NUSAP1: variants seen among roughly 807,000 people sequenced by gnomAD.
NUSAP1 encodes nucleolar and spindle-associated protein 1.
A neutral mutation model predicts 52.8 loss-of-function variants in NUSAP1; 32 were observed. The observed-to-expected ratio is 0.61, with a 90% CI of 0.46 to 0.81. The LOEUF is 0.81. NUSAP1 is among the 40% of genes least tolerant of loss of function. The pLI, the probability that NUSAP1 is intolerant of heterozygous loss-of-function variation, is 0.00. For missense variants in NUSAP1, 499 were observed against 522.3 expected (o/e 0.96, Z 0.43); for synonymous variants, 195 against 183.1 (o/e 1.06, Z -0.52).
intron 2 of NUSAP1, among the ~76,000 whole-genome samples, chr15:41,347,359 A>T (rs1223139825): frequency 1.3e-5 from 2 of 152,150 alleles, no homozygotes; most frequent in Non-Finnish European, 2.9e-5. Flanking sequence ...AAGATTTCTC[A>T]TTAAGGAAAT....
chr15:41,351,941 G>A (rs2048792351), intron 4 of NUSAP1: 1 of 148,616 alleles, frequency 6.7e-6, no homozygotes, highest in African/African-American at 2.4e-5. Flanking sequence ...CCATGTTATA[G>A]AATTTCTTTT....
chr15:41,344,213 CA>C (rs965547801), intron 2 of NUSAP1: 5,855 of 54,342 alleles, frequency 0.11, 140 homozygotes, highest in African/African-American at 0.22. Flanking sequence ...GACTCCATCT[CA>C]AAAAAAAAAA....
At chr15:41,368,165 G>C (rs1489283581) in intron 7 of NUSAP1, among the ~76,000 whole-genome samples, 1 of 152,096 alleles carries the variant, frequency 6.6e-6, no homozygotes, top group African/African-American at 2.4e-5. Flanking sequence ...ACAGCACTCT[G>C]AAATATGTGT....
intron 10 of NUSAP1, among the ~76,000 whole-genome samples, chr15:41,378,899 C>CAA (rs538916330): frequency 4.6e-5 from 4 of 87,520 alleles, no homozygotes; most frequent in South Asian, 3.5e-4. Flanking sequence ...TTAGACAAAC[C>CAA]AAAAAAAAAA....
intron 7 of NUSAP1, among the ~76,000 whole-genome samples, chr15:41,368,452 C>T (rs1410788659): frequency 1.3e-5 from 2 of 152,134 alleles, no homozygotes; most frequent in Admixed American, 1.3e-4. Flanking sequence ...ATTAACTCTT[C>T]CTCAAATACC....
chr15:41,333,715 G>A (rs2048009188), intron 1 of NUSAP1, among the ~76,000 whole-genome samples: 1 of 152,146 alleles, frequency 6.6e-6, no homozygotes, highest in Admixed American at 6.5e-5. Context: ...GAGGTCAGGA[G>A]TTCGAGACCA....
chr15:41,372,628 G>A (rs1412078822), intron 8 of NUSAP1, among the ~76,000 whole-genome samples: 1 of 152,168 alleles, frequency 6.6e-6, no homozygotes, highest in African/African-American at 2.4e-5. Flanking sequence ...GTGTATGGCA[G>A]TCCCTTGTTC....
At position 41,351,089 on chromosome 15, in the gene NUSAP1, A is replaced by G. The variant is rs199580182; in HGVS notation, c.408A>G (p.Pro136=). The change falls in exon 4 of 11, where the codon CCA becomes CCG. Residue 136 remains proline (P), a synonymous_variant. Transcript: ENST00000559596. ...DLRATAKVPS[P]PDEHQEAENA... is the part of the protein sequence containing the mutation. ...GAGCTACTGCAAAAGTTCCTTCTCC[A>G]CCAGACGAGCACCAAGAAGCTGAGA... The G allele has an allele frequency of 6.8e-6, 11 of 1,613,728 alleles. No individual in the cohort carries two copies. Among genetic ancestry groups the G allele is most frequent in the Non-Finnish European group, 9.3e-6 (11 of 1,179,838 alleles).
intron 7 of NUSAP1, among the ~76,000 whole-genome samples, chr15:41,368,374 C>T (rs2049507505): frequency 6.6e-6 from 1 of 152,122 alleles, no homozygotes; most frequent in Admixed American, 6.6e-5. Flanking sequence ...AGAAACTTTT[C>T]CATTGACTTA....
At chr15:41,335,272 A>G in intron 1 of NUSAP1, among the ~76,000 whole-genome samples, 1 of 145,366 alleles carries the variant, frequency 6.9e-6, no homozygotes, top group African/African-American at 2.5e-5. Flanking sequence ...AGTATATACT[A>G]TATATATTAT....
intron 4 of NUSAP1, among the ~76,000 whole-genome samples, chr15:41,353,643 G>T (rs1345935713): frequency 1.3e-5 from 2 of 152,026 alleles, no homozygotes; most frequent in East Asian, 1.9e-4. Context: ...TGAAAGAAAA[G>T]AAAAAAATAA....
chr15:41,344,213 C>CAAAAAAA (rs965547801), intron 2 of NUSAP1: 1 of 54,328 alleles, frequency 1.8e-5, no homozygotes. Context: ...GACTCCATCT[C>CAAAAAAA]AAAAAAAAAA....
chr15:41,334,099 ATT>A (rs140711980), intron 1 of NUSAP1, among the ~76,000 whole-genome samples: 12 of 148,420 alleles, frequency 8.1e-5, no homozygotes, highest in Non-Finnish European at 1.7e-4. Context: ...AATCGTCACA[ATT>A]TTTTTTTTAT....
intron 7 of NUSAP1, among the ~76,000 whole-genome samples, chr15:41,366,840 G>T (rs1357024300): frequency 6.6e-6 from 1 of 152,098 alleles, no homozygotes; most frequent in Non-Finnish European, 1.5e-5. Flanking sequence ...CATCTGTTAG[G>T]AAAGTCACCT....
At chr15:41,378,223 C>A (rs1460582628) in intron 10 of NUSAP1, among the ~76,000 whole-genome samples, 1 of 152,160 alleles carries the variant, frequency 6.6e-6, no homozygotes, top group Non-Finnish European at 1.5e-5. Flanking sequence ...TGCCCAGCAG[C>A]CCAGGGCACC....
At chr15:41,359,628 T>G (rs1407716482) in intron 6 of NUSAP1, among the ~76,000 whole-genome samples, 1 of 151,694 alleles carries the variant, frequency 6.6e-6, no homozygotes, top group African/African-American at 2.4e-5. Flanking sequence ...TTTTTTTTCT[T>G]TTCTTTTCTT....
In NUSAP1 at chr15:41,358,498, A is replaced by G. The variant is rs113136738; in HGVS notation, c.660+240A>G. On this transcript the variant is annotated intron_variant, in intron 6 of 10. Coordinates refer to ENST00000559596, the MANE Select transcript of NUSAP1 (RefSeq NM_016359.5). Reference sequence around the variant, plus strand: ...ATGCCTGTAATCCCCGCACTTTGGGAGGCCAAGGCAAGTGGATTACCTCAG... The same window carrying G: ...ATGCCTGTAATCCCCGCACTTTGGGGGGCCAAGGCAAGTGGATTACCTCAG... 7.2e-3 allele frequency among the ~76,000 whole-genome samples: 1,094 copies of G among 152,288 alleles called. 19 individuals are homozygous for G. Among genetic ancestry groups the G allele is most frequent in the African/African-American group, 0.024 (1,015 of 41,558 alleles).
chr15:41,374,587 G>A (rs2049842201), intron 8 of NUSAP1, among the ~76,000 whole-genome samples: 1 of 152,080 alleles, frequency 6.6e-6, no homozygotes, highest in African/African-American at 2.4e-5. Context: ...GAGTGCTGTG[G>A]TGCAATCTCG....
intron 1 of NUSAP1, among the ~76,000 whole-genome samples, chr15:41,337,463 C>G (rs2048201093): frequency 6.6e-6 from 1 of 152,176 alleles, no homozygotes; most frequent in African/African-American, 2.4e-5. Context: ...TAGAGCCTCT[C>G]TCCTCATTAA....
Sources: allele counts gnomAD v4.1 joint callset (sites outside exome capture counted in the v4.1 genomes callset), GRCh38; gene constraint gnomAD v4.1.1; transcripts MANE v1.5; gene names NCBI Gene and HGNC (gene_info 2026-07-23, HGNC 2026-07-21).